DUSP10: variants seen among roughly 807,000 people sequenced by gnomAD.
DUSP10 encodes the protein dual specificity phosphatase 10.
DUSP10 carries 14 observed loss-of-function variants against 30.8 expected under a neutral mutation model. The ratio of observed to expected loss-of-function variants is 0.46; its 90% CI spans 0.30 to 0.71. The LOEUF (loss-of-function observed/expected upper bound fraction) is 0.71. Among genes scored for constraint, DUSP10 ranks in the 30% least tolerant of loss-of-function variants. DUSP10 has a pLI of 0.08. For missense variants in DUSP10, 550 were observed against 619.4 expected (o/e 0.89, Z 1.19); for synonymous variants, 254 against 250.4 (o/e 1.01, Z -0.14).
At chr1:221,724,802 C>A (rs915398959) in intron 2 of DUSP10, among the ~76,000 whole-genome samples, 1 of 152,124 alleles carries the variant, frequency 6.6e-6, no homozygotes, top group Non-Finnish European at 1.5e-5. Context: ...GGAAGTCATT[C>A]GGCTCCCATG....
chr1:221,732,035 A>G (rs983245203), intron 2 of DUSP10, among the ~76,000 whole-genome samples: 4 of 152,254 alleles, frequency 2.6e-5, no homozygotes, highest in Non-Finnish European at 5.9e-5. Context: ...GAATAGAAAC[A>G]TGAACACAAT....
At chr1:221,734,858 T>A (rs1338639868) in intron 2 of DUSP10, among the ~76,000 whole-genome samples, 3 of 152,182 alleles carry the variant, frequency 2.0e-5, no homozygotes, top group Admixed American at 6.5e-5. Flanking sequence ...AGGTATTTTT[T>A]AAAATCCTCA....
At chr1:221,732,616 A>G (rs762764025) in intron 2 of DUSP10, among the ~76,000 whole-genome samples, 2 of 152,208 alleles carry the variant, frequency 1.3e-5, no homozygotes. Flanking sequence ...TGAACCTGGC[A>G]AGACCTACTT....
At chr1:221,717,007 C>T (rs1251707436) in intron 2 of DUSP10, among the ~76,000 whole-genome samples, 1 of 152,212 alleles carries the variant, frequency 6.6e-6, no homozygotes, top group Non-Finnish European at 1.5e-5. Context: ...CCCCTCCCCA[C>T]TCCATCAGGA....
chr1:221,737,172 C>A, intron 2 of DUSP10: 1 of 985,310 alleles, frequency 1.0e-6, no homozygotes, highest in Non-Finnish European at 1.2e-6. Context: ...TTGTAATCAT[C>A]CCCATGATTA....
chr1:221,740,801 G>T (rs1039042478), intron 1 of DUSP10, among the ~76,000 whole-genome samples: 2 of 152,192 alleles, frequency 1.3e-5, no homozygotes, highest in Non-Finnish European at 2.9e-5. Context: ...ACAGTGAATT[G>T]TTGCCCACCG....
chr1:221,712,869 G>T (rs1285623307), intron 2 of DUSP10, among the ~76,000 whole-genome samples: 1 of 145,942 alleles, frequency 6.9e-6, no homozygotes, highest in African/African-American at 2.5e-5. Flanking sequence ...GAAAGTTATT[G>T]AAGTATTCTG....
At chr1:221,737,275 C>A in intron 2 of DUSP10, 1 of 985,378 alleles carries the variant, frequency 1.0e-6, no homozygotes. Flanking sequence ...ACCTGCTCTG[C>A]GTGAGAAAAG....
intron 2 of DUSP10, among the ~76,000 whole-genome samples, chr1:221,726,520 C>G (rs918205626): frequency 6.6e-6 from 1 of 151,882 alleles, no homozygotes; most frequent in Non-Finnish European, 1.5e-5. Context: ...GGGTAGAGAA[C>G]AAAAAGAAAT....
chr1:221,705,144 T>C (rs1660719029), intron 3 of DUSP10, among the ~76,000 whole-genome samples: 1 of 150,830 alleles, frequency 6.6e-6, no homozygotes, highest in Admixed American at 6.6e-5. Flanking sequence ...AGTTTCACTG[T>C]TGTTGCCCAG....
chr1:221,704,902 C>G (rs752692229), intron 3 of DUSP10, among the ~76,000 whole-genome samples: 1 of 152,196 alleles, frequency 6.6e-6, no homozygotes. Context: ...ACCCCACTGG[C>G]TGTTAAACCT....
chr1:221,702,369 G>C lies in DUSP10; in HGVS notation c.*43C>G, dbSNP rs746913554. On this transcript the variant is annotated 3_prime_UTR_variant, in exon 4 of 4. Coordinates refer to ENST00000366899, the MANE Select transcript of DUSP10 (RefSeq NM_007207.6). This position sits in a 1 kb window ranked among gnomAD's most constrained non-coding sequence, Gnocchi z 4.5. ...CCAGAATCCATCCTCCTTCCTCATT[G>C]TCTCCTAATGGAGAGCAGCAATCCT... is the stretch of plus-strand genomic sequence containing the variant. 1.3e-6 allele frequency: 2 copies of C among 1,561,398 alleles called. No homozygotes were observed. The highest frequency in any genetic ancestry group is 1.7e-6 in the Non-Finnish European group (2 of 1,149,978).
intron 2 of DUSP10, chr1:221,711,953 TC>T (rs1362852789): frequency 6.6e-6 from 1 of 152,210 alleles, no homozygotes; most frequent in Non-Finnish European, 1.5e-5. Flanking sequence ...AAGGCTGAAA[TC>T]TTCTTCAAAG....
chr1:221,721,299 T>C (rs1423966945), intron 2 of DUSP10, among the ~76,000 whole-genome samples: 1 of 152,206 alleles, frequency 6.6e-6, no homozygotes, highest in African/African-American at 2.4e-5. Context: ...CATTATGCTA[T>C]GGATTTGCGA....
intron 3 of DUSP10, among the ~76,000 whole-genome samples, chr1:221,705,053 A>G (rs1660714348): frequency 6.6e-6 from 1 of 152,152 alleles, no homozygotes; most frequent in Non-Finnish European, 1.5e-5. Context: ...GTTACGTAAA[A>G]AAAAATAAAT....
chr1:221,709,336 G>A (rs1241075483), intron 2 of DUSP10, among the ~76,000 whole-genome samples: 8 of 151,984 alleles, frequency 5.3e-5, no homozygotes, highest in African/African-American at 1.5e-4. Flanking sequence ...GGCGGAGTGG[G>A]GGGAGGAGGG....
chr1:221,709,002 TAA>T (rs58346899), intron 2 of DUSP10, among the ~76,000 whole-genome samples: 10 of 139,866 alleles, frequency 7.1e-5, no homozygotes, highest in Admixed American at 2.8e-4. Flanking sequence ...GCAGCTAGTT[TAA>T]AAAAAAAAAA....
intron 2 of DUSP10, among the ~76,000 whole-genome samples, chr1:221,711,984 A>C (rs1038673306): frequency 3.3e-5 from 5 of 152,238 alleles, no homozygotes; most frequent in East Asian, 1.9e-4. Flanking sequence ...GAGTCACTTC[A>C]TAAGTTTCAG....
At chr1:221,737,785 G>C (rs935633808) in intron 2 of DUSP10, among the ~76,000 whole-genome samples, 1 of 152,230 alleles carries the variant, frequency 6.6e-6, no homozygotes, top group Non-Finnish European at 1.5e-5. Flanking sequence ...AGACAAGAAG[G>C]AGAATGGCAA....
Sources: gnomAD v4.1 joint callset for allele counts (sites outside exome capture counted in the v4.1 genomes callset) on GRCh38, gnomAD v4.1.1 for gene constraint, Gnocchi (gnomAD v3.1) non-coding constraint, MANE v1.5 for transcripts, NCBI Gene and HGNC (gene_info 2026-07-23, HGNC 2026-07-21) for gene names.